Variants in NFATC1 observed in about 807,000 individuals in gnomAD.
NFATC1 encodes the protein nuclear factor of activated T-cells, cytoplasmic 1.
NFATC1 carries 22 observed loss-of-function variants against 76.0 expected under a neutral mutation model. The ratio of observed to expected loss-of-function variants is 0.29; its 90% CI spans 0.21 to 0.41. The LOEUF (loss-of-function observed/expected upper bound fraction) is 0.41. Ranked by LOEUF, NFATC1 falls within the 10% of genes least tolerant of loss-of-function variation. The pLI is 1.00. For missense variants in NFATC1, 1,357 were observed against 1,337.7 expected (o/e 1.01, Z -0.23); for synonymous variants, 704 against 613.1 (o/e 1.15, Z -2.19).
At chr18:79,473,374 G>A (rs896871566) in intron 8 of NFATC1, among the ~76,000 whole-genome samples, 9 of 152,236 alleles carry the variant, frequency 5.9e-5, no homozygotes, top group African/African-American at 1.4e-4. Flanking sequence ...GTGTTCTCAC[G>A]CTTACTGTCA....
intron 8 of NFATC1, among the ~76,000 whole-genome samples, chr18:79,476,693 G>A (rs931319117): frequency 4.6e-5 from 7 of 152,164 alleles, no homozygotes; most frequent in Non-Finnish European, 1.0e-4. Flanking sequence ...CTCTCACCCC[G>A]ACCGACACAC....
chr18:79,515,534 T>C (rs2145191737), intron 9 of NFATC1, among the ~76,000 whole-genome samples: 1 of 151,994 alleles, frequency 6.6e-6, no homozygotes, highest in Admixed American at 6.5e-5. Context: ...CAGGGGCGTA[T>C]TGGCTTCTGA....
rs1228552338 is a variant in NFATC1 at position 79,451,106 on chromosome 18, C to A, written c.1742C>A (p.Ala581Asp). The change falls in exon 5 of 10, where the codon GCC becomes GAC. Residue 581 changes from alanine to aspartate, a missense_variant. Physicochemically the swap from Ala to Asp is moderately radical, Grantham distance 126 (BLOSUM62 -2). Coordinates refer to ENST00000427363, the MANE Select transcript of NFATC1 (RefSeq NM_001278669.2). The part of the protein sequence containing the change: ...PSGRTLSLQV[A>D]SNPIECSQRS... ...GGCCGCACGCTGTCCCTGCAGGTGG[C>A]CTCCAACCCCATCGAATGCTGTAAG... 6.2e-7 allele frequency: 1 copy of A among 1,611,364 alleles called. No homozygotes were observed.
chr18:79,404,128 C>T (rs981307472), intron 1 of NFATC1, among the ~76,000 whole-genome samples: 1 of 152,136 alleles, frequency 6.6e-6, no homozygotes, highest in South Asian at 2.1e-4. Flanking sequence ...AAACAGAATT[C>T]AAAAAGGATG....
rs1032490908 is a variant in NFATC1, at chr18:79,528,557, C to A, written c.*980C>A. ...GTGCATTTTCTCGTCTCACGCAGTT[C>A]GAGGAGGACCCTAGAAAGCCAGGAG... On this transcript the variant is annotated 3_prime_UTR_variant, in exon 10 of 10. Coordinates refer to ENST00000427363, the MANE Select transcript of NFATC1 (RefSeq NM_001278669.2). The A allele has an allele frequency of 3.9e-5, 6 of 152,212 alleles. No individual in the cohort carries two copies. Among genetic ancestry groups the A allele is most frequent in the Non-Finnish European group, 5.9e-5 (4 of 68,044 alleles). The allele number at this position is 152,212 out of a possible 1,614,324, so 9.4% of individuals were successfully genotyped here.
At chr18:79,399,421 G>C (rs1387386487) in intron 1 of NFATC1, among the ~76,000 whole-genome samples, 1 of 152,214 alleles carries the variant, frequency 6.6e-6, no homozygotes, top group African/African-American at 2.4e-5. Context: ...CCCTCCGCCC[G>C]GGCCGGCTCC....
chr18:79,451,547 T>G (rs1600753581), intron 5 of NFATC1, 129 bp from the exon 6 acceptor site: 4 of 1,006,108 alleles, frequency 4.0e-6, no homozygotes, highest in South Asian at 2.5e-5. Flanking sequence ...TCCGCAGGGG[T>G]CGGCCCGCAG....
intron 2 of NFATC1, among the ~76,000 whole-genome samples, chr18:79,425,116 GCT>G (rs2086265216): frequency 1.2e-5 from 1 of 80,422 alleles, no homozygotes; most frequent in African/African-American, 4.8e-5. Context: ...TGTCTCTGTC[GCT>G]CTGTCTCTCT....
intron 9 of NFATC1, among the ~76,000 whole-genome samples, chr18:79,499,641 A>G (rs549118133): frequency 8.5e-5 from 13 of 152,354 alleles, no homozygotes; most frequent in African/African-American, 1.9e-4. Context: ...TAAAAAATAC[A>G]TATTTTAGAT....
chr18:79,404,306 T>C (rs776103892), intron 1 of NFATC1, among the ~76,000 whole-genome samples: 1 of 152,190 alleles, frequency 6.6e-6, no homozygotes, highest in Non-Finnish European at 1.5e-5. Context: ...GGCCATCCTA[T>C]TTGCCTTTGT....
chr18:79,413,052 T>C (rs1022816223), intron 2 of NFATC1, among the ~76,000 whole-genome samples: 2 of 152,178 alleles, frequency 1.3e-5, no homozygotes, highest in Non-Finnish European at 2.9e-5. Flanking sequence ...CTGTTATTGT[T>C]TAAGTAAAAG....
intron 9 of NFATC1, among the ~76,000 whole-genome samples, chr18:79,509,459 G>A (rs1407808363): frequency 6.6e-6 from 1 of 152,216 alleles, no homozygotes; most frequent in African/African-American, 2.4e-5. Flanking sequence ...AGAGGGCGTG[G>A]GAGGAGAGGA....
chr18:79,498,843 T>C (rs1366550535), intron 9 of NFATC1, among the ~76,000 whole-genome samples: 1 of 152,240 alleles, frequency 6.6e-6, no homozygotes, highest in Admixed American at 6.5e-5. Flanking sequence ...GAATCGTGGA[T>C]GTCGGAGGAC....
intron 3 of NFATC1, among the ~76,000 whole-genome samples, chr18:79,439,881 A>G (rs556435271): frequency 6.6e-6 from 1 of 152,330 alleles, no homozygotes; most frequent in African/African-American, 2.4e-5. Context: ...CAGGAGACCA[A>G]CGTGGAATGA....
intron 3 of NFATC1, among the ~76,000 whole-genome samples, chr18:79,434,688 G>A (rs890408392): frequency 7.9e-5 from 12 of 152,276 alleles, no homozygotes; most frequent in South Asian, 2.1e-4. Context: ...GATGCAAGCC[G>A]GAAGGGGTGT....
intron 9 of NFATC1, among the ~76,000 whole-genome samples, chr18:79,520,786 T>TGG (rs1292436381): frequency 5.3e-5 from 2 of 37,894 alleles, no homozygotes; most frequent in African/African-American, 1.3e-4. Flanking sequence ...TGTGTGTGTG[T>TGG]GGGGGGGCAT....
chr18:79,514,916 C>T (rs1291709119), intron 9 of NFATC1, among the ~76,000 whole-genome samples: 1 of 151,980 alleles, frequency 6.6e-6, no homozygotes, highest in Non-Finnish European at 1.5e-5. Flanking sequence ...TGGTAGCATG[C>T]ACCTGTGGTC....
Position 79,509,773 on chromosome 18 carries a change from C to T in NFATC1, c.2783-17755C>T, listed in dbSNP as rs529454045. On this transcript the variant is annotated intron_variant, in intron 9 of 9. Coordinates refer to ENST00000427363, the MANE Select transcript of NFATC1 (RefSeq NM_001278669.2). Reference sequence around the variant, plus strand: ...CAGCTCACGGACCAGGGAGGGAACGCGAAGCTGGGGAGCTCTGAGCTCCAA... The same window carrying T: ...CAGCTCACGGACCAGGGAGGGAACGTGAAGCTGGGGAGCTCTGAGCTCCAA... 3.0e-3 allele frequency among the ~76,000 whole-genome samples: 451 copies of T among 152,320 alleles called. 1 individual carries two copies. Among genetic ancestry groups the T allele is most frequent in the Admixed American group, 0.01 (160 of 15,302 alleles).
Position 79,445,978 on chromosome 18 carries a change from T to C in NFATC1, c.1387-2804T>C, listed in dbSNP as rs144885192. Among the ~76,000 whole-genome samples the C allele has an allele frequency of 5.3e-5, 8 of 152,324 alleles. No individual in the cohort carries two copies. In the East Asian group the frequency reaches 1.2e-3, roughly 22 times the overall value. On this transcript the variant is annotated intron_variant, in intron 3 of 9. Transcript: ENST00000427363. ...GGAGCTAAAAACAAACATTGTAACGTGTAGGAGACTCAGTAGCTCTTATAC... is the reference window on the plus strand; with the variant it reads ...GGAGCTAAAAACAAACATTGTAACGCGTAGGAGACTCAGTAGCTCTTATAC...
Sources: allele counts gnomAD v4.1 joint callset (sites outside exome capture counted in the v4.1 genomes callset), GRCh38; gene constraint gnomAD v4.1.1; transcripts MANE v1.5; gene names NCBI Gene and HGNC (gene_info 2026-07-23, HGNC 2026-07-21).